The following MALL variants were observed in gnomAD, a reference collection of about 807,000 sequenced individuals.
MALL encodes the protein mal, T cell differentiation protein like.
In MALL, 2 loss-of-function variants were observed where a neutral mutation model predicts 10.3. That is an observed-to-expected ratio of 0.19 (90% CI 0.08 to 0.61). The LOEUF is 0.61. Among genes scored for constraint, MALL ranks in the 20% least tolerant of loss-of-function variants. The probability of loss-of-function intolerance (pLI) is 0.88; values close to 1 mark genes in which losing one functional copy is unlikely to be tolerated. For missense variants in MALL, 39 were observed against 115.2 expected, an observed-to-expected ratio of 0.34 and a Z score of 3.03; for synonymous variants, 27 against 51.8, an observed-to-expected ratio of 0.52 and a Z score of 2.05.
At chr2:110,097,215 G>A (rs944031757) in intron 1 of MALL, among the ~76,000 whole-genome samples, 9 of 151,954 alleles carry the variant, frequency 5.9e-5, no homozygotes, top group African/African-American at 2.2e-4. Context: ...ATAAGAAAAT[G>A]CATGTGCGAG....
At chr2:110,107,795 T>C (rs1678726369) in intron 1 of MALL, among the ~76,000 whole-genome samples, 1 of 152,150 alleles carries the variant, frequency 6.6e-6, no homozygotes, top group African/African-American at 2.4e-5. Context: ...CTGCACCCTC[T>C]GCCACCTCCA....
intron 1 of MALL, among the ~76,000 whole-genome samples, chr2:110,107,947 T>C (rs186256968): frequency 2.0e-5 from 3 of 152,082 alleles, no homozygotes; most frequent in Non-Finnish European, 4.4e-5. Flanking sequence ...CAACAATCAC[T>C]GCAGTTTGGC....
At chr2:110,116,948 G>C (rs1390012842), upstream of MALL, among the ~76,000 whole-genome samples, 2 of 152,176 alleles carry the variant, frequency 1.3e-5, no homozygotes, top group Non-Finnish European at 2.9e-5. Flanking sequence ...GTGAATGCCA[G>C]GTCCTGCCCT....
intron 1 of MALL, among the ~76,000 whole-genome samples, chr2:110,099,435 T>C (rs17842657): frequency 0.062 from 9,375 of 152,224 alleles, 593 homozygotes; most frequent in African/African-American, 0.16. Context: ...TCCACTGTGT[T>C]TTCAGTGTCA....
intron 1 of MALL, among the ~76,000 whole-genome samples, chr2:110,098,775 T>C (rs191844240): frequency 3.9e-5 from 6 of 152,072 alleles, no homozygotes; most frequent in Non-Finnish European, 8.8e-5. Flanking sequence ...GAGGCCAAGG[T>C]GGGGATCACT....
At chr2:110,111,964 C>T (rs1488238297) in intron 1 of MALL, among the ~76,000 whole-genome samples, 2 of 152,046 alleles carry the variant, frequency 1.3e-5, no homozygotes, top group Admixed American at 6.6e-5. Flanking sequence ...ACAAAGCAAA[C>T]AAAAACATAA....
chr2:110,111,491 A>C (rs1163249651), intron 1 of MALL, among the ~76,000 whole-genome samples: 2 of 152,076 alleles, frequency 1.3e-5, no homozygotes, highest in Non-Finnish European at 2.9e-5. Flanking sequence ...AAATAATAAT[A>C]GTAATAATAA....
intron 1 of MALL, among the ~76,000 whole-genome samples, chr2:110,113,435 CAA>C (rs58360665): frequency 0.077 from 2,429 of 31,360 alleles, 15 homozygotes; most frequent in African/African-American, 0.21. Flanking sequence ...GACTCTGTCT[CAA>C]AAAAAAAAAA....
chr2:110,112,733 G>A (rs1472852144), intron 1 of MALL, among the ~76,000 whole-genome samples: 1 of 151,940 alleles, frequency 6.6e-6, no homozygotes, highest in African/African-American at 2.4e-5. Context: ...ACACTACTCA[G>A]TATCAATCCA....
chr2:110,091,586 A>G lies in MALL; in HGVS notation c.273+17T>C, dbSNP rs1404029082. 1 of 1,609,224 alleles carries G rather than the reference A, an allele frequency of 6.2e-7. No individual in the cohort carries two copies. The highest frequency in any genetic ancestry group is 1.3e-5 in the African/African-American group (1 of 74,410). On this transcript the variant is annotated intron_variant, in intron 2 of 3. Transcript: ENST00000272462. Reference sequence around the variant, plus strand: ...CCAGAACGTCCACCCAGGAAGAGCCATGCTGCTGGTTCTTACCAGAACTCT... The same window carrying G: ...CCAGAACGTCCACCCAGGAAGAGCCGTGCTGCTGGTTCTTACCAGAACTCT...
chr2:110,103,496 C>CTT (rs1678622807), intron 1 of MALL, among the ~76,000 whole-genome samples: 1 of 152,166 alleles, frequency 6.6e-6, no homozygotes, highest in Non-Finnish European at 1.5e-5. Context: ...GGACAACACT[C>CTT]TAGGAGCCTC....
chr2:110,098,493 G>A lies in MALL; in HGVS notation c.106-6723C>T, dbSNP rs942388486. Among the ~76,000 whole-genome samples the A allele has an allele frequency of 4.6e-5, 7 of 152,046 alleles. 1 individual carries two copies. The highest frequency in any genetic ancestry group is 1.2e-4 in the African/African-American group (5 of 41,362). On this transcript the variant is annotated intron_variant, in intron 1 of 3. Coordinates refer to ENST00000272462, the MANE Select transcript of MALL (RefSeq NM_005434.5). The stretch of plus-strand genomic sequence containing the variant: ...TTGTCCTTTTGTGACTGCCCTTCTC[G>A]CTTAGCATAATGTCCTCAAAGTTCA...
intron 1 of MALL, among the ~76,000 whole-genome samples, chr2:110,112,657 C>T (rs891786150): frequency 6.6e-6 from 1 of 151,960 alleles, no homozygotes; most frequent in Non-Finnish European, 1.5e-5. Context: ...AGTACATCCA[C>T]TATGGAAAAC....
chr2:110,098,578 GC>G (rs1678494160), intron 1 of MALL, among the ~76,000 whole-genome samples: 1 of 152,182 alleles, frequency 6.6e-6, no homozygotes, highest in Non-Finnish European at 1.5e-5. Flanking sequence ...ATATTCCATT[GC>G]ATATGTGTGT....
intron 1 of MALL, among the ~76,000 whole-genome samples, chr2:110,113,693 A>G (rs1363161129): frequency 6.6e-6 from 1 of 152,148 alleles, no homozygotes; most frequent in African/African-American, 2.4e-5. Context: ...AGATACGGCA[A>G]CTAAGTGCCA....
intron 1 of MALL, among the ~76,000 whole-genome samples, chr2:110,103,874 A>T (rs1013765961): frequency 3.3e-5 from 5 of 152,078 alleles, no homozygotes; most frequent in African/African-American, 1.2e-4. Flanking sequence ...GTGGCCAGGG[A>T]TGCGGGGCCA....
At chr2:110,104,279 A>G (rs1409639562) in intron 1 of MALL, among the ~76,000 whole-genome samples, 7 of 152,120 alleles carry the variant, frequency 4.6e-5, no homozygotes. Context: ...CTGTTCATCG[A>G]GCCTTCCAAC....
At chr2:110,114,326 T>G (rs1448600609) in intron 1 of MALL, among the ~76,000 whole-genome samples, 5 of 151,960 alleles carry the variant, frequency 3.3e-5, no homozygotes. Context: ...ATGAGTCTCT[T>G]CCCGGCAGAC....
intron 1 of MALL, among the ~76,000 whole-genome samples, chr2:110,102,983 G>T (rs1678607495): frequency 6.6e-6 from 1 of 152,184 alleles, no homozygotes; most frequent in Admixed American, 6.5e-5. Context: ...GGGCAGTGTT[G>T]GAGGGAGGCT....
Sources: gnomAD v4.1 joint callset for allele counts (sites outside exome capture counted in the v4.1 genomes callset) on GRCh38, gnomAD v4.1.1 for gene constraint, MANE v1.5 for transcripts, NCBI Gene and HGNC (gene_info 2026-07-23, HGNC 2026-07-21) for gene names.